NTPCR: variants seen among roughly 807,000 people sequenced by gnomAD.
NTPCR encodes the protein cancer-related nucleoside-triphosphatase.
A neutral mutation model predicts 19.5 loss-of-function variants in NTPCR; 15 were observed. That is an observed-to-expected ratio of 0.77 (90% CI 0.51 to 1.18). The LOEUF (loss-of-function observed/expected upper bound fraction) is 1.18, where lower values mean the gene tolerates loss of function less well. Ranked by LOEUF, NTPCR falls within the 50% of genes most tolerant of loss-of-function variation. The pLI, the probability that NTPCR is intolerant of heterozygous loss-of-function variation, is 0.00. For missense variants in NTPCR, 206 were observed against 240.4 expected (o/e 0.86, Z 0.95); for synonymous variants, 90 against 95.8 (o/e 0.94, Z 0.36).
chr1:232,950,886 A>G, intron 1 of NTPCR, 142 bp downstream of exon 1: 1 of 598,854 alleles, frequency 1.7e-6, no homozygotes, highest in Admixed American at 3.3e-5. Context: ...CGGGCTTGGT[A>G]GTCTGAAGAG....
chr1:232,972,306 T>C (rs915163039), intron 4 of NTPCR, among the ~76,000 whole-genome samples: 19 of 152,348 alleles, frequency 1.2e-4, no homozygotes, highest in Admixed American at 4.6e-4. Flanking sequence ...TTATTTTTTA[T>C]TTAACTTATT....
rs1669308321 is a variant in NTPCR, at chr1:232,982,457, G to C, written c.*4226G>C. 6.6e-6 allele frequency: 1 copy of C among 152,236 alleles called. No homozygotes were observed. Among genetic ancestry groups the C allele is most frequent in the South Asian group, 2.1e-4 (1 of 4,822 alleles). 9.4% of individuals were successfully genotyped at this position (152,236 alleles called of 1,614,324 possible). A position where few individuals can be genotyped will look rare whatever the true frequency, so the allele number is the denominator to read the frequency against. ...TGATTAATGTGACCTTAGTGTTGTA[G>C]ATACACTGTGTCACTTTCATCCTCC... On this transcript the variant is annotated 3_prime_UTR_variant, in exon 5 of 5. Coordinates refer to ENST00000366628, the MANE Select transcript of NTPCR (RefSeq NM_032324.3).
rs757292486 is a variant in NTPCR, at chr1:232,970,017, A to G, written c.403A>G (p.Thr135Ala). Residue 135 changes from threonine to alanine, a missense_variant, in exon 4 of 5, where the codon ACC becomes GCC. By Grantham distance (58) the Thr-to-Ala change is moderately conservative (BLOSUM62 0). Coordinates refer to ENST00000366628, the MANE Select transcript of NTPCR (RefSeq NM_032324.3). ...FIQAVRQTLS[T>A]PGTIILGTIP... ...TCAAGCTGTTCGTCAGACGCTGTCT[A>G]CCCCAGGGACTATAATCCTTGGCAC... 16 of 1,613,934 alleles carry G rather than the reference A, an allele frequency of 9.9e-6. No homozygotes were observed. The highest frequency in any genetic ancestry group is 1.1e-5 in the South Asian group (1 of 91,080).
chr1:232,961,015 A>G (rs1024561640), intron 3 of NTPCR, among the ~76,000 whole-genome samples: 1 of 152,182 alleles, frequency 6.6e-6, no homozygotes, highest in African/African-American at 2.4e-5. Flanking sequence ...GATCAGGGAA[A>G]ATGTTATGTA....
At chr1:232,964,053 C>T (rs1668743787) in intron 3 of NTPCR, 1 of 152,118 alleles carries the variant, frequency 6.6e-6, no homozygotes, top group African/African-American at 2.4e-5. Flanking sequence ...TTTAATCTAT[C>T]GTTAGTGTTC....
At position 232,955,530 on chromosome 1, in the gene NTPCR, CTTTTTTTTT is replaced by C. The variant is rs55951151; in HGVS notation, c.35-16_35-8del. On this transcript the variant is annotated intron_variant, in intron 1 of 4. Transcript: ENST00000366628. Reference sequence around the variant, plus strand: ...GAATGTTTCCTAATGGGCTTTTCTTCTTTTTTTTTTTTTTTTTTTATTTTAGGAGTTGGA... The same window carrying C: ...GAATGTTTCCTAATGGGCTTTTCTTCTTTTTTTTTTATTTTAGGAGTTGGA... 5.2e-6 allele frequency: 7 copies of C among 1,351,108 alleles called. No homozygotes were observed. The highest frequency in any genetic ancestry group is 3.2e-5 in the Admixed American group (1 of 31,452). 83.7% of individuals were successfully genotyped at this position (1,351,108 alleles called of 1,614,324 possible). A position where few individuals can be genotyped will look rare whatever the true frequency, so the allele number is the denominator to read the frequency against.
chr1:232,967,911 T>C (rs1432313478), intron 3 of NTPCR: 1 of 152,226 alleles, frequency 6.6e-6, no homozygotes, highest in Admixed American at 6.5e-5. Context: ...AGAAACCTTC[T>C]TGTACAGTTG....
chr1:232,956,398 C>T lies in NTPCR; in HGVS notation c.249C>T (p.Val83=), dbSNP rs1394550659. The stretch of plus-strand genomic sequence containing the variant: ...AATGCCGAGTTGGGCAGTATGTGGT[C>T]GACCTGACTTCTTTTGAGCAGTTGG... ...KRECRVGQYV[V]DLTSFEQLAL... The change falls in exon 3 of 5, where the codon GTC becomes GTT. Residue 83 remains valine, a synonymous_variant. Coordinates refer to ENST00000366628, the MANE Select transcript of NTPCR (RefSeq NM_032324.3). 3.1e-6 allele frequency: 5 copies of T among 1,613,752 alleles called. No homozygotes were observed. The highest frequency in any genetic ancestry group is 4.5e-5 in the East Asian group (2 of 44,890).
At chr1:232,969,086 C>T (rs1668902495) in intron 3 of NTPCR, 1 of 152,304 alleles carries the variant, frequency 6.6e-6, no homozygotes, top group Non-Finnish European at 1.5e-5. Flanking sequence ...AGGTTGCAGT[C>T]AAGCTGTTGG....
At position 232,950,740 on chromosome 1, in the gene NTPCR, C is replaced by T; in HGVS notation, c.30C>T (p.Pro10=). 1.2e-6 allele frequency: 2 copies of T among 1,600,676 alleles called. No individual in the cohort carries two copies. Among genetic ancestry groups the T allele is most frequent in the Non-Finnish European group, 1.7e-6 (2 of 1,172,972 alleles). Residue 10 remains proline (P), a synonymous_variant, in exon 1 of 5, where the codon CCC becomes CCT. Transcript: ENST00000366628. ...CCCGGCACGTGTTCCTAACGGGGCC[C>T]CCAGGTAACCCTGAGGGGATCCCCA... is the stretch of plus-strand genomic sequence containing the variant. MARHVFLTG[P]PGVGKTTLIH...
chr1:232,955,533 T>C (rs549617836), intron 1 of NTPCR, 24 bp from the exon 2 acceptor site: 2,786 of 1,096,006 alleles, frequency 2.5e-3, no homozygotes, highest in Non-Finnish European at 3.1e-3. Context: ...TTTTCTTCTT[T>C]TTTTTTTTTT....
At chr1:232,956,522 C>T (rs1422600623) in intron 3 of NTPCR, 79 bp downstream of exon 3, 39 of 996,070 alleles carry the variant, frequency 3.9e-5, no homozygotes, top group South Asian at 4.1e-5. Context: ...AAACAGAATG[C>T]CTTTTGCTCT....
At chr1:232,954,397 T>G (rs907603689) in intron 1 of NTPCR, among the ~76,000 whole-genome samples, 2 of 152,260 alleles carry the variant, frequency 1.3e-5, no homozygotes, top group Non-Finnish European at 2.9e-5. Flanking sequence ...GTGGGTAGTC[T>G]TAGAAATAGC....
At chr1:232,961,257 C>G (rs1300406765) in intron 3 of NTPCR, among the ~76,000 whole-genome samples, 2 of 152,216 alleles carry the variant, frequency 1.3e-5, no homozygotes, top group Non-Finnish European at 2.9e-5. Flanking sequence ...ATCTTTTTCT[C>G]TAGCCATGAT....
In NTPCR at chr1:232,981,324, A is replaced by G. The variant is rs976523025; in HGVS notation, c.*3093A>G. On this transcript the variant is annotated 3_prime_UTR_variant, in exon 5 of 5. Transcript: ENST00000366628. The stretch of plus-strand genomic sequence containing the variant: ...GCCCTCCAGTTATCAAGGGGGTGGG[A>G]ACGCTGGTGGGCTGGAAAATGTGGA... 2.0e-5 allele frequency: 3 copies of G among 152,062 alleles called. No individual in the cohort carries two copies. Among genetic ancestry groups the G allele is most frequent in the Admixed American group, 2.0e-4 (3 of 15,268 alleles). The allele number at this position is 152,062 out of a possible 1,614,324, so 9.4% of individuals were successfully genotyped here.
chr1:232,961,563 T>A (rs1206711022), intron 3 of NTPCR, among the ~76,000 whole-genome samples: 1 of 152,274 alleles, frequency 6.6e-6, no homozygotes, highest in Non-Finnish European at 1.5e-5. Flanking sequence ...CTTAAATAGA[T>A]GTTTTATAAA....
intron 3 of NTPCR, chr1:232,966,271 C>T (rs1412659966): frequency 1.3e-5 from 2 of 152,200 alleles, no homozygotes; most frequent in Non-Finnish European, 2.9e-5. Flanking sequence ...AGAGACACTC[C>T]TTATTCACTT....
intron 4 of NTPCR, among the ~76,000 whole-genome samples, chr1:232,977,868 C>T (rs565395044): frequency 4.6e-5 from 7 of 152,274 alleles, no homozygotes; most frequent in African/African-American, 1.7e-4. Flanking sequence ...ATCATCCGTC[C>T]CGGTGTGCCT....
rs1290421298 is a variant in NTPCR, at chr1:232,981,745, TCTCA to T, written c.*3518_*3521del. 3 of 142,742 alleles carry T rather than the reference TCTCA, an allele frequency of 2.1e-5. No homozygotes were observed. The highest frequency in any genetic ancestry group is 7.9e-5 in the African/African-American group (3 of 37,772). The allele number at this position is 142,742 out of a possible 1,614,324, so 8.8% of individuals were successfully genotyped here. A position where few individuals can be genotyped will look rare whatever the true frequency, so the allele number is the denominator to read the frequency against. On this transcript the variant is annotated 3_prime_UTR_variant, in exon 5 of 5. Coordinates refer to ENST00000366628, the MANE Select transcript of NTPCR (RefSeq NM_032324.3). The stretch of plus-strand genomic sequence containing the variant: ...TTTTTTTTTTTTTTTTGAGACAGAG[TCTCA>T]CTCTGTCGCTTGAGCTGGAGTGCAG...
Sources: allele counts gnomAD v4.1 joint callset (sites outside exome capture counted in the v4.1 genomes callset), GRCh38; gene constraint gnomAD v4.1.1; transcripts MANE v1.5; gene names NCBI Gene and HGNC (gene_info 2026-07-23, HGNC 2026-07-21).